GPR180: variants seen among roughly 807,000 people sequenced by gnomAD.
The protein encoded by GPR180 is G protein-coupled receptor 180.
Under a neutral mutation model 52.6 loss-of-function variants are expected in GPR180, and 53 were observed. The observed-to-expected ratio is 1.01, with a 90% CI of 0.81 to 1.27. GPR180 has a LOEUF of 1.27. Ranked by LOEUF, GPR180 falls within the 50% of genes most tolerant of loss-of-function variation. The pLI is 0.00. For missense variants in GPR180, 533 were observed against 527.0 expected, an observed-to-expected ratio of 1.01 and a Z score of -0.11; for synonymous variants, 200 against 193.1, an observed-to-expected ratio of 1.04 and a Z score of -0.30.
intron 3 of GPR180, 21 bp from the exon 4 acceptor site, chr13:94,619,129 C>A: frequency 6.3e-7 from 1 of 1,591,234 alleles, no homozygotes; most frequent in Non-Finnish European, 8.6e-7. Flanking sequence ...CTGAAGCAAA[C>A]TCCCTTTCTT....
At chr13:94,605,611 A>G in intron 2 of GPR180, 62 bp downstream of exon 2, 1 of 1,333,508 alleles carries the variant, frequency 7.5e-7, no homozygotes, top group East Asian at 2.3e-5. Flanking sequence ...ATGTTGAAAT[A>G]TAGTACCATA....
rs2138566876 is a variant in GPR180 at position 94,621,026 on chromosome 13, A to C, written c.737-52A>C. The C allele has an allele frequency of 2.0e-6, 3 of 1,529,748 alleles. 1 individual carries two copies. The highest frequency in any genetic ancestry group is 2.6e-6 in the Non-Finnish European group (3 of 1,144,640). 94.8% of individuals were successfully genotyped at this position (1,529,748 alleles called of 1,614,324 possible). On this transcript the variant is annotated intron_variant, in intron 5 of 8. Transcript: ENST00000376958. Reference sequence around the variant, plus strand: ...GATGTTCTCAATGCAAAAAGCACTAAATTTTTTATATTGTGAAAACTTGGT... The same window carrying C: ...GATGTTCTCAATGCAAAAAGCACTACATTTTTTATATTGTGAAAACTTGGT...
At position 94,627,413 on chromosome 13, in the gene GPR180, G is replaced by A. The variant is rs2138571946; in HGVS notation, c.*242G>A. ...AGTGTTGTTATAAAATTATTGAAGCGATTTCTATGTGGAAATAAATGTGAA... is the reference window on the plus strand; with the variant it reads ...AGTGTTGTTATAAAATTATTGAAGCAATTTCTATGTGGAAATAAATGTGAA... On this transcript the variant is annotated 3_prime_UTR_variant, in exon 9 of 9. Coordinates refer to ENST00000376958, the MANE Select transcript of GPR180 (RefSeq NM_180989.6). 2.3e-6 allele frequency: 1 copy of A among 427,592 alleles called. No individual in the cohort carries two copies. Among genetic ancestry groups the A allele is most frequent in the East Asian group, 4.3e-5 (1 of 23,014 alleles). The allele number at this position is 427,592 out of a possible 1,614,324, so 26.5% of individuals were successfully genotyped here.
chr13:94,604,616 C>T (rs185757157), intron 1 of GPR180, among the ~76,000 whole-genome samples: 3 of 152,206 alleles, frequency 2.0e-5, no homozygotes, highest in African/African-American at 7.2e-5. Context: ...TGCTCTGTCA[C>T]CCAGACTGGA....
At chr13:94,603,333 G>A (rs1343335927) in intron 1 of GPR180, among the ~76,000 whole-genome samples, 2 of 152,154 alleles carry the variant, frequency 1.3e-5, no homozygotes, top group African/African-American at 2.4e-5. Flanking sequence ...GAAGACGTGG[G>A]TTATTACTTA....
At position 94,631,504 on chromosome 13, in the gene GPR180, T is replaced by C. The variant is rs1269676875; in HGVS notation, c.*4333T>C. 1.3e-5 allele frequency: 2 copies of C among 151,100 alleles called. No homozygotes were observed. The highest frequency in any genetic ancestry group is 2.9e-5 in the Non-Finnish European group (2 of 67,844). The allele number at this position is 151,100 out of a possible 1,614,324, so 9.4% of individuals were successfully genotyped here. A position where few individuals can be genotyped will look rare whatever the true frequency, so the allele number is the denominator to read the frequency against. The stretch of plus-strand genomic sequence containing the variant: ...TTCTATCATATTATCCCTTTTTTTG[T>C]TTGTTGTACTTAGCTGGTTTATCTT... On this transcript the variant is annotated 3_prime_UTR_variant, in exon 9 of 9. Transcript: ENST00000376958.
At chr13:94,618,512 C>T (rs1309340229) in intron 3 of GPR180, among the ~76,000 whole-genome samples, 1 of 141,102 alleles carries the variant, frequency 7.1e-6, no homozygotes, top group Non-Finnish European at 1.5e-5. Context: ...AAGGTTTGTC[C>T]AAATGGAAAT....
Position 94,628,057 on chromosome 13 carries a change from G to A in GPR180, c.*886G>A, listed in dbSNP as rs1889949973. ...ATTAACAGAAGCATTTCACATAAAT[G>A]TTGGTTTCAGTCATCAACTACCCAT... On this transcript the variant is annotated 3_prime_UTR_variant, in exon 9 of 9. Transcript: ENST00000376958. The A allele has an allele frequency of 6.6e-6, 1 of 152,446 alleles. No individual in the cohort carries two copies. Among genetic ancestry groups the A allele is most frequent in the South Asian group, 2.1e-4 (1 of 4,834 alleles). The allele number at this position is 152,446 out of a possible 1,614,324, so 9.4% of individuals were successfully genotyped here. A position where few individuals can be genotyped will look rare whatever the true frequency, so the allele number is the denominator to read the frequency against.
chr13:94,615,012 G>C (rs1301235914), intron 3 of GPR180, among the ~76,000 whole-genome samples: 2 of 152,146 alleles, frequency 1.3e-5, no homozygotes, highest in African/African-American at 4.8e-5. Context: ...ATCAATGAGT[G>C]GTTCTTAACC....
At chr13:94,609,900 A>G (rs1889682453) in intron 2 of GPR180, among the ~76,000 whole-genome samples, 1 of 152,178 alleles carries the variant, frequency 6.6e-6, no homozygotes, top group Non-Finnish European at 1.5e-5. Flanking sequence ...CTCAAAATTC[A>G]AATCCTGACT....
At chr13:94,613,764 T>C (rs1889742080) in intron 3 of GPR180, among the ~76,000 whole-genome samples, 1 of 152,214 alleles carries the variant, frequency 6.6e-6, no homozygotes, top group African/African-American at 2.4e-5. Flanking sequence ...CCTTAATCTT[T>C]TTAAAGATGC....
chr13:94,633,599 A>G lies in GPR180; in HGVS notation c.*6428A>G, dbSNP rs1890028386. 6.6e-6 allele frequency: 1 copy of G among 151,332 alleles called. No homozygotes were observed. Among genetic ancestry groups the G allele is most frequent in the Admixed American group, 6.7e-5 (1 of 15,024 alleles). 9.4% of individuals were successfully genotyped at this position (151,332 alleles called of 1,614,324 possible). A position where few individuals can be genotyped will look rare whatever the true frequency, so the allele number is the denominator to read the frequency against. ...TTGATTTGTTAAAACTCTTTATAAC[A>G]GAAATTGGTCATTTGTGATATGAGT... is the stretch of plus-strand genomic sequence containing the variant. On this transcript the variant is annotated 3_prime_UTR_variant, in exon 9 of 9. Transcript: ENST00000376958.
At chr13:94,623,950 T>G (rs1889889641) in intron 7 of GPR180, among the ~76,000 whole-genome samples, 1 of 152,172 alleles carries the variant, frequency 6.6e-6, no homozygotes, top group Non-Finnish European at 1.5e-5. Flanking sequence ...CAACAGTTAT[T>G]AATTGACTAT....
chr13:94,619,362 A>G (rs1889822838), intron 4 of GPR180, 32 bp downstream of exon 4: 2 of 1,607,804 alleles, frequency 1.2e-6, no homozygotes, highest in African/African-American at 1.3e-5. Context: ...TGTGTTCATC[A>G]TTACATCTAA....
chr13:94,604,904 A>G (rs1311902909), intron 1 of GPR180, among the ~76,000 whole-genome samples: 1 of 152,174 alleles, frequency 6.6e-6, no homozygotes, highest in East Asian at 1.9e-4. Context: ...AGTCGTAGAT[A>G]CCAAATTTTG....
At chr13:94,623,415 G>A (rs1889879531) in intron 7 of GPR180, 115 bp downstream of exon 7, 1 of 769,896 alleles carries the variant, frequency 1.3e-6, no homozygotes, top group Middle Eastern at 2.7e-4. Context: ...GTTGGGCACA[G>A]TGGCTCACTC....
At chr13:94,617,102 A>G (rs779300914) in intron 3 of GPR180, among the ~76,000 whole-genome samples, 11 of 152,306 alleles carry the variant, frequency 7.2e-5, no homozygotes, top group Admixed American at 2.0e-4. Context: ...CTTATTTTCC[A>G]GAGTCCCTTC....
chr13:94,622,001 A>T (rs892730039), intron 6 of GPR180, among the ~76,000 whole-genome samples: 2 of 152,214 alleles, frequency 1.3e-5, no homozygotes. Context: ...AATGCATTAA[A>T]TAAATTGAAA....
At chr13:94,606,731 A>AAAGAG (rs1889637562) in intron 2 of GPR180, among the ~76,000 whole-genome samples, 4 of 152,216 alleles carry the variant, frequency 2.6e-5, no homozygotes, top group Admixed American at 2.6e-4. Flanking sequence ...TCATAAGGCA[A>AAAGAG]CTAGCTAGAT....
Sources: allele counts gnomAD v4.1 joint callset (sites outside exome capture counted in the v4.1 genomes callset), GRCh38; gene constraint gnomAD v4.1.1; transcripts MANE v1.5; gene names NCBI Gene and HGNC (gene_info 2026-07-23, HGNC 2026-07-21).